The following MAST4 variants were observed in gnomAD, a reference collection of about 807,000 sequenced individuals.
The protein encoded by MAST4 is microtubule associated serine/threonine kinase family member 4.
In MAST4, 89 loss-of-function variants were observed where a neutral mutation model predicts 162.7. The observed-to-expected ratio is 0.55, with a 90% CI of 0.46 to 0.65. MAST4 has a LOEUF of 0.65. Among genes scored for constraint, MAST4 ranks in the 30% least tolerant of loss-of-function variants. The pLI, the probability that MAST4 is intolerant of heterozygous loss-of-function variation, is 0.00. For synonymous variants in MAST4, 1,479 were observed against 1,361.1 expected (o/e 1.09, Z -1.91); for missense variants, 3,153 against 3,374.0 (o/e 0.93, Z 1.62).
At chr5:66,982,056 T>C (rs1159174408) in intron 4 of MAST4, among the ~76,000 whole-genome samples, 1 of 152,218 alleles carries the variant, frequency 6.6e-6, no homozygotes. Flanking sequence ...TTGATGATGT[T>C]ATTCTTATTT....
At chr5:66,614,025 T>G (rs753254518) in intron 1 of MAST4, among the ~76,000 whole-genome samples, 4 of 152,206 alleles carry the variant, frequency 2.6e-5, no homozygotes, top group Non-Finnish European at 5.9e-5. Context: ...AAAATTAGTT[T>G]ATAGCATGAA....
intron 14 of MAST4, among the ~76,000 whole-genome samples, chr5:67,122,073 A>C (rs1443111605): frequency 1.3e-5 from 2 of 152,144 alleles, no homozygotes; most frequent in Non-Finnish European, 2.9e-5. Flanking sequence ...GGCAGTAAAC[A>C]GTGACAAGAT....
Position 66,919,963 on chromosome 5 carries a change from TC to T in MAST4, c.674+19983del, listed in dbSNP as rs1561446271. Among the ~76,000 whole-genome samples the T allele has an allele frequency of 1.1e-3, 119 of 111,174 alleles. 1 individual carries two copies. Among genetic ancestry groups the T allele is most frequent in the South Asian group, 4.4e-3 (11 of 2,512 alleles). The allele number at this position is 111,174 out of a possible 152,430, so 72.9% of individuals were successfully genotyped here. A position where few individuals can be genotyped will look rare whatever the true frequency, so the allele number is the denominator to read the frequency against. On this transcript the variant is annotated intron_variant, in intron 4 of 28. Transcript: ENST00000403625. ...TTCCTTCCTTCCTTCCTTCCTTCCT[TC>T]CTTCCTTCCTTCTTTCTCTCTCTCT...
intron 1 of MAST4, among the ~76,000 whole-genome samples, chr5:66,718,875 C>A (rs1171473408): frequency 6.6e-6 from 1 of 152,178 alleles, no homozygotes; most frequent in East Asian, 1.9e-4. Flanking sequence ...TGCAGCTCTG[C>A]ATTTTGAAAG....
At chr5:66,881,855 GA>G (rs1561410460) in intron 3 of MAST4, among the ~76,000 whole-genome samples, 1 of 152,052 alleles carries the variant, frequency 6.6e-6, no homozygotes, top group African/African-American at 2.4e-5. Context: ...CAGGCAAAAA[GA>G]AAAACAAGTC....
chr5:66,950,036 A>G (rs1471243414), intron 4 of MAST4, among the ~76,000 whole-genome samples: 5 of 152,166 alleles, frequency 3.3e-5, no homozygotes, highest in African/African-American at 9.6e-5. Context: ...AACTGCAACC[A>G]GCACATAGGA....
intron 3 of MAST4, among the ~76,000 whole-genome samples, chr5:66,796,034 C>T (rs1042475356): frequency 1.3e-5 from 2 of 152,084 alleles, no homozygotes; most frequent in Non-Finnish European, 2.9e-5. Flanking sequence ...CAGTAGGGAG[C>T]CCTGAGCAGA....
intron 3 of MAST4, among the ~76,000 whole-genome samples, chr5:66,806,732 T>C (rs1190769119): frequency 6.6e-6 from 1 of 152,218 alleles, no homozygotes; most frequent in African/African-American, 2.4e-5. Flanking sequence ...TCTTAACATC[T>C]TTAAGCATAC....
Position 67,078,946 on chromosome 5 carries a change from ATATATG to A in MAST4, c.764-11215_764-11210del, listed in dbSNP as rs1433570630. 6.8e-4 allele frequency among the ~76,000 whole-genome samples: 68 copies of A among 99,882 alleles called. 3 individuals carry two copies. The highest frequency in any genetic ancestry group is 3.3e-3 in the African/African-American group (65 of 19,574). 65.5% of individuals were successfully genotyped at this position (99,882 alleles called of 152,430 possible). On this transcript the variant is annotated intron_variant, in intron 5 of 28. Transcript: ENST00000403625. ...TATATATATATATATATATATATATATATATGGCAATCTGATGTTATCTGTCAAATT... is the reference window on the plus strand; with the variant it reads ...TATATATATATATATATATATATATAGCAATCTGATGTTATCTGTCAAATT...
At chr5:66,682,010 A>G (rs1308730966) in intron 1 of MAST4, among the ~76,000 whole-genome samples, 1 of 152,156 alleles carries the variant, frequency 6.6e-6, no homozygotes, top group Admixed American at 6.5e-5. Flanking sequence ...CAGACAGTCT[A>G]TCGTGTGTGT....
intron 4 of MAST4, among the ~76,000 whole-genome samples, chr5:67,051,670 C>T (rs77356576): frequency 1.3e-5 from 2 of 151,938 alleles, no homozygotes; most frequent in Non-Finnish European, 2.9e-5. Context: ...TCAGTAGGGT[C>T]CTAGGATTTT....
chr5:67,015,051 G>A (rs138884107), intron 4 of MAST4, among the ~76,000 whole-genome samples: 2 of 152,298 alleles, frequency 1.3e-5, no homozygotes, highest in African/African-American at 4.8e-5. Context: ...TGGGTCCCAG[G>A]TTGGAAATCC....
At chr5:66,692,717 A>G (rs891201636) in intron 1 of MAST4, among the ~76,000 whole-genome samples, 1 of 151,888 alleles carries the variant, frequency 6.6e-6, no homozygotes, top group African/African-American at 2.4e-5. Flanking sequence ...CAATCATCCC[A>G]TTGTGAGGGC....
Position 66,804,473 on chromosome 5 carries a change from G to T in MAST4, c.642+15679G>T, listed in dbSNP as rs949946719. Among the ~76,000 whole-genome samples the T allele has an allele frequency of 3.9e-5, 6 of 152,262 alleles. No homozygotes were observed. In the East Asian group the frequency reaches 5.8e-4, roughly 15 times the overall value. ...GGTGGAAGGGCAGCACTTATCTGTG[G>T]TAAGTTCTTCACATGCTGAAGGTTG... On this transcript the variant is annotated intron_variant, in intron 3 of 28. Transcript: ENST00000403625.
intron 1 of MAST4, among the ~76,000 whole-genome samples, chr5:66,665,905 T>C (rs6881653): frequency 0.55 from 83,148 of 152,044 alleles, 22,908 homozygotes; most frequent in South Asian, 0.67. Context: ...CCATAAATGC[T>C]TCTTGCAGCA....
intron 4 of MAST4, among the ~76,000 whole-genome samples, chr5:66,910,247 C>T (rs935997119): frequency 1.3e-5 from 2 of 152,152 alleles, no homozygotes; most frequent in African/African-American, 2.4e-5. Flanking sequence ...GAAGGGGAAA[C>T]CTGCAGCCAC....
chr5:67,129,362 G>A (rs574702268), intron 14 of MAST4, among the ~76,000 whole-genome samples: 1 of 152,220 alleles, frequency 6.6e-6, no homozygotes, highest in African/African-American at 2.4e-5. Flanking sequence ...CTCTGAATTG[G>A]AAGCCAGATA....
intron 8 of MAST4, 21 bp from the exon 9 acceptor site, chr5:67,102,515 G>A (rs760008201): frequency 6.2e-7 from 1 of 1,610,344 alleles, no homozygotes. Flanking sequence ...AGTTTAAAAG[G>A]GTAATTTGCT....
In MAST4 at chr5:66,759,843, C is replaced by G; in HGVS notation, c.498C>G (p.Ser166Arg). 6.2e-7 allele frequency: 1 copy of G among 1,613,788 alleles called. No individual in the cohort carries two copies. The highest frequency in any genetic ancestry group is 8.5e-7 in the Non-Finnish European group (1 of 1,179,826). Residue 166 changes from serine to arginine, a missense_variant, in exon 2 of 29, where the codon AGC becomes AGG. Physicochemically the swap from Ser to Arg is moderately radical, Grantham distance 110 (BLOSUM62 -1). This residue lies in a region of MAST4 where 327 missense variants were observed against 336.5 expected (regional missense o/e 0.97). Coordinates refer to ENST00000403625, the MANE Select transcript of MAST4 (RefSeq NM_001164664.2). ...SEDGRQLRRGSLGGALTGRYL... is the reference protein window; with the variant it reads ...SEDGRQLRRGRLGGALTGRYL... ...ATGGAAGACAGCTAAGGCGAGGGAG[C>G]CTGGGAGGAGCCCTGACTGGTGAGT...
Sources: gnomAD v4.1 joint callset for allele counts (sites outside exome capture counted in the v4.1 genomes callset) on GRCh38, gnomAD v4.1.1 for gene constraint, gnomAD v4.1.1 regional missense constraint, MANE v1.5 for transcripts, NCBI Gene and HGNC (gene_info 2026-07-23, HGNC 2026-07-21) for gene names.